The following B4GALT1 variants were observed in gnomAD, a reference collection of about 807,000 sequenced individuals.
The protein encoded by B4GALT1 is beta-1,4-galactosyltransferase 1.
Under a neutral mutation model 34.9 loss-of-function variants are expected in B4GALT1, and 16 were observed. The observed-to-expected ratio is 0.46, with a 90% CI of 0.31 to 0.70. The LOEUF (loss-of-function observed/expected upper bound fraction) is 0.70, where lower values mean the gene tolerates loss of function less well. Ranked by LOEUF, B4GALT1 falls within the 30% of genes least tolerant of loss-of-function variation. B4GALT1 has a pLI of 0.05. For missense variants in B4GALT1, 445 were observed against 530.5 expected (o/e 0.84, Z 1.58); for synonymous variants, 221 against 218.1 (o/e 1.01, Z -0.12).
intron 1 of B4GALT1, among the ~76,000 whole-genome samples, chr9:33,143,567 C>G (rs1840383583): frequency 6.6e-6 from 1 of 152,240 alleles, no homozygotes; most frequent in Admixed American, 6.5e-5. Flanking sequence ...TTCTTGAGTC[C>G]TACTCACCAG....
chr9:33,129,465 C>T (rs562306160), intron 2 of B4GALT1, among the ~76,000 whole-genome samples: 1 of 152,252 alleles, frequency 6.6e-6, no homozygotes, highest in African/African-American at 2.4e-5. Flanking sequence ...GCTTCACTTC[C>T]AAGAGGCACA....
rs1839850458 is a variant in B4GALT1 at position 33,111,121 on chromosome 9, C to A, written c.*2333G>T. ...TCACGGACCAGGCAAACATCCAGGC[C>A]TAACTGTGCCCTGGCTGTGCCTTGG... On this transcript the variant is annotated 3_prime_UTR_variant, in exon 6 of 6. Coordinates refer to ENST00000379731, the MANE Select transcript of B4GALT1 (RefSeq NM_001497.4). 6.6e-6 allele frequency: 1 copy of A among 152,562 alleles called. No individual in the cohort carries two copies. The highest frequency in any genetic ancestry group is 1.5e-5 in the Non-Finnish European group (1 of 68,032). 9.5% of individuals were successfully genotyped at this position (152,562 alleles called of 1,614,324 possible).
intron 1 of B4GALT1, among the ~76,000 whole-genome samples, chr9:33,162,660 T>C (rs1840690922): frequency 6.6e-6 from 1 of 152,202 alleles, no homozygotes; most frequent in Admixed American, 6.5e-5. Context: ...GACAATCCCA[T>C]CGTGGAATGC....
intron 1 of B4GALT1, among the ~76,000 whole-genome samples, chr9:33,142,771 A>AT (rs1406953621): frequency 6.6e-6 from 1 of 152,076 alleles, no homozygotes; most frequent in Non-Finnish European, 1.5e-5. Context: ...AGTGAGAAAC[A>AT]TTTTTTCAAC....
intron 2 of B4GALT1, among the ~76,000 whole-genome samples, chr9:33,134,631 A>G (rs184859842): frequency 6.6e-6 from 1 of 152,334 alleles, no homozygotes; most frequent in East Asian, 1.9e-4. Context: ...AGCAGTGAGA[A>G]ACTTTTTCTC....
rs1307115135 is a variant in B4GALT1, at chr9:33,167,268, G to T, written c.-99C>A. On this transcript the variant is annotated 5_prime_UTR_variant, in exon 1 of 6. Transcript: ENST00000379731. Reference sequence around the variant, plus strand: ...CGCTGCCCCACAGCGGCGACTAGGGGAGGGCCCGGAGCGGGGGCGGGCGAG... The same window carrying T: ...CGCTGCCCCACAGCGGCGACTAGGGTAGGGCCCGGAGCGGGGGCGGGCGAG... The T allele has an allele frequency of 2.2e-6, 3 of 1,379,568 alleles. No individual in the cohort carries two copies. The highest frequency in any genetic ancestry group is 3.1e-5 in the Admixed American group (1 of 31,900). The allele number at this position is 1,379,568 out of a possible 1,614,324, so 85.5% of individuals were successfully genotyped here. A position where few individuals can be genotyped will look rare whatever the true frequency, so the allele number is the denominator to read the frequency against.
chr9:33,119,981 C>T (rs530886200), intron 3 of B4GALT1, among the ~76,000 whole-genome samples: 1 of 152,118 alleles, frequency 6.6e-6, no homozygotes, highest in East Asian at 1.9e-4. Flanking sequence ...CTCAGGAGTT[C>T]GAGACCAGAC....
chr9:33,146,936 G>A (rs1397469647), intron 1 of B4GALT1, among the ~76,000 whole-genome samples: 6 of 152,052 alleles, frequency 3.9e-5, no homozygotes, highest in African/African-American at 1.4e-4. Flanking sequence ...CCTGACCTCA[G>A]GTGATCCACC....
At chr9:33,130,879 AGAAGCAGGCAGAG>A (rs72362628) in intron 2 of B4GALT1, among the ~76,000 whole-genome samples, 2,699 of 151,110 alleles carry the variant, frequency 0.018, 59 homozygotes, top group East Asian at 0.048. Context: ...TCACCACCAC[AGAAGCAGGCAGAG>A]GAAGCAGGCA....
intron 2 of B4GALT1, among the ~76,000 whole-genome samples, chr9:33,127,111 C>T (rs970122087): frequency 3.9e-5 from 6 of 152,162 alleles, no homozygotes; most frequent in African/African-American, 1.4e-4. Flanking sequence ...TTTCAAGTGC[C>T]CGCCACCACG....
At chr9:33,178,895 G>A in the B4GALT1 span, 1 of 152,358 alleles carries the variant, frequency 6.6e-6, no homozygotes, top group Admixed American at 6.5e-5. Context: ...TTCTCTCTCA[G>A]GTGTCCATGG....
chr9:33,135,771 CG>C (rs1840260076), intron 1 of B4GALT1, among the ~76,000 whole-genome samples: 1 of 152,178 alleles, frequency 6.6e-6, no homozygotes, highest in Non-Finnish European at 1.5e-5. Flanking sequence ...TCAGTGATCA[CG>C]GATGAGAAGG....
At chr9:33,105,231 C>G (rs1258615672) in intron 2 of B4GALT1, among the ~76,000 whole-genome samples, 2 of 150,678 alleles carry the variant, frequency 1.3e-5, no homozygotes, top group Admixed American at 6.6e-5. Context: ...CCTCCGCCTT[C>G]CAGGTTCAAG....
the B4GALT1 span, among the ~76,000 whole-genome samples, chr9:33,180,424 T>C: frequency 6.6e-6 from 1 of 152,196 alleles, no homozygotes; most frequent in Non-Finnish European, 1.5e-5. Flanking sequence ...CTTTTTTATG[T>C]TCATGTTAAA....
intron 1 of B4GALT1, among the ~76,000 whole-genome samples, chr9:33,155,065 T>C (rs577851172): frequency 2.0e-5 from 3 of 152,144 alleles, no homozygotes; most frequent in African/African-American, 7.2e-5. Flanking sequence ...TCAATGGTCC[T>C]ACCACAAAGC....
At chr9:33,130,233 T>A (rs1259133104) in intron 2 of B4GALT1, among the ~76,000 whole-genome samples, 1 of 152,190 alleles carries the variant, frequency 6.6e-6, no homozygotes, top group African/African-American at 2.4e-5. Context: ...CATTCCTTAA[T>A]TTAGGGCTAG....
chr9:33,116,684 G>A (rs1839944802), intron 3 of B4GALT1, among the ~76,000 whole-genome samples: 1 of 151,818 alleles, frequency 6.6e-6, no homozygotes. Context: ...CACCACACCT[G>A]GCTAATTTTT....
At chr9:33,136,856 G>A (rs1359723640) in intron 1 of B4GALT1, among the ~76,000 whole-genome samples, 1 of 152,184 alleles carries the variant, frequency 6.6e-6, no homozygotes, top group Non-Finnish European at 1.5e-5. Flanking sequence ...GCAGGCTTCA[G>A]CCTGCCCTGT....
the B4GALT1 span, among the ~76,000 whole-genome samples, chr9:33,182,420 C>T: frequency 2.0e-5 from 3 of 152,152 alleles, no homozygotes; most frequent in East Asian, 3.8e-4. Context: ...TTTGGAGGTA[C>T]GCTGTCCATC....
Sources: gnomAD v4.1 joint callset for allele counts (sites outside exome capture counted in the v4.1 genomes callset) on GRCh38, gnomAD v4.1.1 for gene constraint, MANE v1.5 for transcripts, NCBI Gene and HGNC (gene_info 2026-07-23, HGNC 2026-07-21) for gene names.